AGMO: variants seen among roughly 807,000 people sequenced by gnomAD.
The protein encoded by AGMO is alkylglycerol monooxygenase.
AGMO carries 75 observed loss-of-function variants against 60.2 expected under a neutral mutation model. The observed-to-expected ratio is 1.25, with a 90% CI of 1.03 to 1.51. AGMO has a LOEUF of 1.51. Ranked by LOEUF, AGMO falls within the 40% of genes most tolerant of loss-of-function variation. The pLI is 0.00. For synonymous variants in AGMO, 261 were observed against 177.1 expected (o/e 1.47, Z -3.76); for missense variants, 763 against 525.5 (o/e 1.45, Z -4.42).
At chr7:15,389,802 T>C (rs975147043) in intron 8 of AGMO, among the ~76,000 whole-genome samples, 4 of 152,210 alleles carry the variant, frequency 2.6e-5, no homozygotes, top group East Asian at 1.9e-4. Flanking sequence ...TATAAGGTTT[T>C]AGTAATAGCT....
At position 15,258,397 on chromosome 7, in the gene AGMO, T is replaced by A. The variant is rs1783164259; in HGVS notation, c.1264-57038A>T. On this transcript the variant is annotated intron_variant, in intron 12 of 12. Transcript: ENST00000342526. ...TTGATTCACTGTCTGTATTTAAAAATACTGATTCGTGGTGGCAGGCGCCTG... is the reference window on the plus strand; with the variant it reads ...TTGATTCACTGTCTGTATTTAAAAAAACTGATTCGTGGTGGCAGGCGCCTG... Among the ~76,000 whole-genome samples, 6 of 151,962 alleles carry A rather than the reference T, an allele frequency of 3.9e-5. 2 individuals are homozygous for A. In the South Asian group the frequency reaches 1.2e-3, roughly 32 times the overall value.
intron 12 of AGMO, among the ~76,000 whole-genome samples, chr7:15,301,434 G>T (rs1784555983): frequency 6.6e-6 from 1 of 150,478 alleles, no homozygotes. Context: ...GAGAGCTTCA[G>T]TCTCAGGAAA....
the AGMO span, among the ~76,000 whole-genome samples, chr7:15,173,351 G>A: frequency 6.6e-6 from 1 of 152,120 alleles, no homozygotes; most frequent in African/African-American, 2.4e-5. Flanking sequence ...TATCTGATTT[G>A]ATAGGAAGGG....
Position 15,390,813 on chromosome 7 carries a change from T to C in AGMO, c.742+27A>G, listed in dbSNP as rs765979543. The C allele has an allele frequency of 1.9e-5, 30 of 1,590,492 alleles. No homozygotes were observed. In the East Asian group the frequency reaches 6.3e-4, roughly 33 times the overall value. ...TGTAAAGTAAAGGAGCTGATTTAAT[T>C]TTTTGATTTTAATACATTTTACTTA... On this transcript the variant is annotated intron_variant, in intron 7 of 12. Coordinates refer to ENST00000342526, the MANE Select transcript of AGMO (RefSeq NM_001004320.2).
chr7:15,410,344 A>G (rs28672944), intron 5 of AGMO, among the ~76,000 whole-genome samples: 1 of 151,874 alleles, frequency 6.6e-6, no homozygotes, highest in Non-Finnish European at 1.5e-5. Context: ...TGAACTTGTC[A>G]TATGTAATAA....
chr7:15,517,776 C>CTT (rs149037835), intron 3 of AGMO, among the ~76,000 whole-genome samples: 6,418 of 151,198 alleles, frequency 0.042, 451 homozygotes, highest in African/African-American at 0.15. Flanking sequence ...AGGAATTTTC[C>CTT]TTTTTTTTTG....
At chr7:15,466,884 T>G (rs1782308527) in intron 3 of AGMO, among the ~76,000 whole-genome samples, 1 of 152,134 alleles carries the variant, frequency 6.6e-6, no homozygotes, top group African/African-American at 2.4e-5. Context: ...TCTTCTACTA[T>G]GTAAACAATT....
In AGMO at chr7:15,390,679, T is replaced by C. The variant is rs1784100632; in HGVS notation, c.814A>G (p.Lys272Glu). ...THPINTFEPI[K>E]VQFHHLFSIW... Reference sequence around the variant, plus strand: ...AAAAACAAGTATGTTACCTGCACTTTGATTGGTTCAAATGTATTAATGGGA... The same window carrying C: ...AAAAACAAGTATGTTACCTGCACTTCGATTGGTTCAAATGTATTAATGGGA... Residue 272 changes from lysine to glutamate, a missense_variant, in exon 8 of 13, where the codon AAA becomes GAA. Transcript: ENST00000342526. 1.3e-6 allele frequency: 2 copies of C among 1,595,658 alleles called. No homozygotes were observed. Among genetic ancestry groups the C allele is most frequent in the South Asian group, 1.1e-5 (1 of 87,052 alleles).
At chr7:15,383,985 G>C (rs1451860416) in intron 10 of AGMO, among the ~76,000 whole-genome samples, 3 of 152,024 alleles carry the variant, frequency 2.0e-5, no homozygotes, top group African/African-American at 7.2e-5. Context: ...CCCCAGGCTG[G>C]AGTGCAGTGG....
At chr7:15,516,543 C>G (rs754419726) in intron 3 of AGMO, among the ~76,000 whole-genome samples, 1 of 152,110 alleles carries the variant, frequency 6.6e-6, no homozygotes, top group Non-Finnish European at 1.5e-5. Flanking sequence ...TTAAAAAAGT[C>G]GGATTACTGA....
intron 4 of AGMO, 54 bp from the exon 5 acceptor site, chr7:15,418,707 T>G: frequency 9.5e-7 from 1 of 1,054,282 alleles, no homozygotes; most frequent in Non-Finnish European, 1.4e-6. Context: ...TCTCAATGCT[T>G]TGTTAATGGT....
intron 3 of AGMO, among the ~76,000 whole-genome samples, chr7:15,494,500 C>G (rs1256982217): frequency 1.3e-5 from 2 of 152,100 alleles, no homozygotes; most frequent in East Asian, 3.8e-4. Flanking sequence ...TACTATGTGT[C>G]GGCTAAAATA....
chr7:15,188,181 A>G, the AGMO span, among the ~76,000 whole-genome samples: 2 of 152,132 alleles, frequency 1.3e-5, no homozygotes, highest in African/African-American at 4.8e-5. Context: ...TATGGACTTT[A>G]TTGACCTTTC....
At chr7:15,376,252 G>C (rs1239995225) in intron 10 of AGMO, among the ~76,000 whole-genome samples, 1 of 151,814 alleles carries the variant, frequency 6.6e-6, no homozygotes, top group East Asian at 1.9e-4. Context: ...AAATCCCAAG[G>C]GGATAGACTA....
At chr7:15,557,357 C>T (rs1166437316) in intron 2 of AGMO, among the ~76,000 whole-genome samples, 1 of 152,012 alleles carries the variant, frequency 6.6e-6, no homozygotes, top group African/African-American at 2.4e-5. Flanking sequence ...ACGTGGCAAG[C>T]CCCTGTTGCT....
chr7:15,155,485 C>G, the AGMO span, among the ~76,000 whole-genome samples: 1 of 117,546 alleles, frequency 8.5e-6, no homozygotes, highest in South Asian at 2.9e-4. Context: ...TTTTCACTTC[C>G]AGACATTCAG....
intron 4 of AGMO, among the ~76,000 whole-genome samples, chr7:15,419,674 GT>G (rs34482531): frequency 0.39 from 58,599 of 149,858 alleles, 11,526 homozygotes; most frequent in Middle Eastern, 0.53. Context: ...TAAGTAGAAT[GT>G]TTTTTTTTTA....
intron 12 of AGMO, among the ~76,000 whole-genome samples, chr7:15,301,643 G>C (rs1784562094): frequency 6.6e-6 from 1 of 152,098 alleles, no homozygotes; most frequent in African/African-American, 2.4e-5. Context: ...TGAATTCACA[G>C]TGTTGAAGGT....
chr7:15,123,318 T>G, the AGMO span, among the ~76,000 whole-genome samples: 3 of 152,100 alleles, frequency 2.0e-5, no homozygotes, highest in Non-Finnish European at 4.4e-5. Flanking sequence ...TAGTATACAG[T>G]TTAGCTATTA....
Sources: gnomAD v4.1 joint callset for allele counts (sites outside exome capture counted in the v4.1 genomes callset) on GRCh38, gnomAD v4.1.1 for gene constraint, MANE v1.5 for transcripts, NCBI Gene and HGNC (gene_info 2026-07-23, HGNC 2026-07-21) for gene names.